The following PPP2R3A variants were observed in gnomAD, a reference collection of about 807,000 sequenced individuals.
PPP2R3A encodes the protein protein phosphatase 2 regulatory subunit B''alpha, also known as serine/threonine-protein phosphatase 2A regulatory subunit B'' subunit alpha.
Under a neutral mutation model 106.9 loss-of-function variants are expected in PPP2R3A, and 80 were observed. The ratio of observed to expected loss-of-function variants is 0.75; its 90% confidence interval spans 0.62 to 0.90. PPP2R3A has a LOEUF of 0.90. Ranked by LOEUF, PPP2R3A falls within the 40% of genes least tolerant of loss-of-function variation. PPP2R3A has a pLI of 0.00. For missense variants in PPP2R3A, 1,386 were observed against 1,350.4 expected, an observed-to-expected ratio of 1.03 and a Z score of -0.41; for synonymous variants, 483 against 468.3, an observed-to-expected ratio of 1.03 and a Z score of -0.41.
At chr3:135,971,946 T>C (rs1017296668) in intron 1 of PPP2R3A, among the ~76,000 whole-genome samples, 4 of 152,170 alleles carry the variant, frequency 2.6e-5, no homozygotes, top group Non-Finnish European at 5.9e-5. Context: ...GTATAGTTCC[T>C]GGATTTGTCA....
intron 1 of PPP2R3A, among the ~76,000 whole-genome samples, chr3:135,969,224 C>T (rs1400178882): frequency 6.6e-6 from 1 of 152,182 alleles, no homozygotes; most frequent in Non-Finnish European, 1.5e-5. Context: ...TGGGAGACAG[C>T]TGCCCCTAAT....
At chr3:136,033,206 C>A (rs1031882507) in intron 3 of PPP2R3A, among the ~76,000 whole-genome samples, 3 of 152,174 alleles carry the variant, frequency 2.0e-5, no homozygotes, top group African/African-American at 7.2e-5. Flanking sequence ...TAAACCATCC[C>A]TGCATCCCTG....
intron 5 of PPP2R3A, among the ~76,000 whole-genome samples, chr3:136,060,623 T>G (rs960751584): frequency 1.3e-5 from 2 of 152,142 alleles, no homozygotes; most frequent in African/African-American, 4.8e-5. Context: ...ATTGTAAGTT[T>G]CCTGAGGGCT....
intron 2 of PPP2R3A, among the ~76,000 whole-genome samples, chr3:136,004,785 A>G (rs1000443350): frequency 6.6e-6 from 1 of 152,182 alleles, no homozygotes; most frequent in Admixed American, 6.5e-5. Flanking sequence ...CCTGAATAGT[A>G]TTAGTCATAT....
At chr3:136,008,417 T>C (rs1430641277) in intron 2 of PPP2R3A, among the ~76,000 whole-genome samples, 1 of 152,274 alleles carries the variant, frequency 6.6e-6, no homozygotes, top group East Asian at 1.9e-4. Context: ...TGGTGGCAAA[T>C]AGGAATTTGT....
At chr3:136,120,002 T>C (rs949415186) in intron 13 of PPP2R3A, among the ~76,000 whole-genome samples, 2 of 151,994 alleles carry the variant, frequency 1.3e-5, no homozygotes, top group African/African-American at 4.8e-5. Flanking sequence ...GGCACATATA[T>C]GCCATGGAAT....
At chr3:136,055,216 A>G in intron 5 of PPP2R3A, 2 of 759,934 alleles carry the variant, frequency 2.6e-6, no homozygotes, top group Non-Finnish European at 4.5e-6. Flanking sequence ...ATAAAATTAA[A>G]AAGCCAGACA....
intron 2 of PPP2R3A, among the ~76,000 whole-genome samples, chr3:136,006,377 G>A (rs1001465194): frequency 7.9e-5 from 12 of 152,122 alleles, no homozygotes; most frequent in African/African-American, 2.9e-4. Context: ...CTTCCTACTT[G>A]TCTTTTTTTA....
intron 8 of PPP2R3A, among the ~76,000 whole-genome samples, chr3:136,083,981 A>T (rs186225219): frequency 6.6e-6 from 1 of 152,330 alleles, no homozygotes; most frequent in East Asian, 1.9e-4. Flanking sequence ...AGTTTGGAAA[A>T]TTTGCTGCCT....
At chr3:135,966,376 G>A (rs1182061390) in intron 1 of PPP2R3A, among the ~76,000 whole-genome samples, 1 of 152,170 alleles carries the variant, frequency 6.6e-6, no homozygotes, top group Non-Finnish European at 1.5e-5. Context: ...TCCGGGCCGC[G>A]GACGGGATTC....
chr3:136,100,504 G>A (rs904024435), intron 10 of PPP2R3A, among the ~76,000 whole-genome samples: 5 of 150,508 alleles, frequency 3.3e-5, no homozygotes, highest in East Asian at 3.9e-4. Context: ...GTGAAACCCC[G>A]TCTCTCCTTA....
rs186775291 is a variant in PPP2R3A, at chr3:136,109,959, T to G, written c.3329+3637T>G. Among the ~76,000 whole-genome samples the G allele has an allele frequency of 5.6e-4, 86 of 152,228 alleles. 1 individual carries two copies. Among genetic ancestry groups the G allele is most frequent in the South Asian group, 3.7e-3 (18 of 4,820 alleles). ...GCAAGAAGAAGACCAGAAGAAGATG[T>G]GTCTAGGTAGGTCAACTCCTGTATA... On this transcript the variant is annotated intron_variant, in intron 13 of 13. Transcript: ENST00000264977.
intron 13 of PPP2R3A, among the ~76,000 whole-genome samples, chr3:136,136,778 T>G (rs1452045453): frequency 6.6e-6 from 1 of 152,132 alleles, no homozygotes; most frequent in African/African-American, 2.4e-5. Context: ...TCCACCTACT[T>G]TACCATCTAA....
At chr3:136,112,376 A>G (rs1475261524) in intron 13 of PPP2R3A, among the ~76,000 whole-genome samples, 1 of 152,226 alleles carries the variant, frequency 6.6e-6, no homozygotes, top group Non-Finnish European at 1.5e-5. Flanking sequence ...ATATAATTCT[A>G]TACCTAGAAA....
intron 2 of PPP2R3A, among the ~76,000 whole-genome samples, chr3:136,011,691 T>C (rs1559867896): frequency 6.6e-6 from 1 of 152,232 alleles, no homozygotes; most frequent in East Asian, 1.9e-4. Flanking sequence ...GAACTGGGAA[T>C]TACATAGAGA....
chr3:135,990,159 G>T (rs1199430978), intron 1 of PPP2R3A, among the ~76,000 whole-genome samples: 1 of 152,168 alleles, frequency 6.6e-6, no homozygotes, highest in Non-Finnish European at 1.5e-5. Context: ...CACCACCCCA[G>T]CTTACTGCCA....
chr3:136,147,877 AAAGTT>A lies in PPP2R3A; in HGVS notation c.*2712_*2716del, dbSNP rs1341371866. Reference sequence around the variant, plus strand: ...TTTTTCCCTTTTAGCAAAACTAAATAAAGTTGTCAAATATGAATCATGTTCATTAA... The same window carrying A: ...TTTTTCCCTTTTAGCAAAACTAAATAGTCAAATATGAATCATGTTCATTAA... On this transcript the variant is annotated 3_prime_UTR_variant, in exon 14 of 14. Coordinates refer to ENST00000264977, the MANE Select transcript of PPP2R3A (RefSeq NM_002718.5). The A allele has an allele frequency of 6.6e-6, 1 of 152,210 alleles. No homozygotes were observed. Among genetic ancestry groups the A allele is most frequent in the Non-Finnish European group, 1.5e-5 (1 of 68,034 alleles). The allele number at this position is 152,210 out of a possible 1,614,324, so 9.4% of individuals were successfully genotyped here. A position where few individuals can be genotyped will look rare whatever the true frequency, so the allele number is the denominator to read the frequency against.
chr3:136,028,660 A>G (rs186436933), intron 3 of PPP2R3A, among the ~76,000 whole-genome samples: 51 of 152,336 alleles, frequency 3.3e-4, no homozygotes, highest in African/African-American at 1.1e-3. Flanking sequence ...TTCTTACCCA[A>G]TTCTTTTAGA....
At chr3:136,053,879 TA>T (rs1935766703) in intron 5 of PPP2R3A, among the ~76,000 whole-genome samples, 2 of 152,204 alleles carry the variant, frequency 1.3e-5, no homozygotes, top group African/African-American at 4.8e-5. Context: ...TATATCAAAT[TA>T]TATCAACTAC....
Sources: gnomAD v4.1 joint callset for allele counts (sites outside exome capture counted in the v4.1 genomes callset) on GRCh38, gnomAD v4.1.1 for gene constraint, MANE v1.5 for transcripts, NCBI Gene and HGNC (gene_info 2026-07-23, HGNC 2026-07-21) for gene names.